MYRIP: variants seen among roughly 807,000 people sequenced by gnomAD.
The protein encoded by MYRIP is rab effector MyRIP.
In MYRIP, 49 loss-of-function variants were observed where a neutral mutation model predicts 98.0. That is an observed-to-expected ratio of 0.50 (90% CI 0.40 to 0.63). MYRIP has a LOEUF of 0.63. Ranked by LOEUF, MYRIP falls within the 30% of genes least tolerant of loss-of-function variation. The pLI is 0.00. For synonymous variants in MYRIP, 404 were observed against 409.5 expected, an observed-to-expected ratio of 0.99 and a Z score of 0.16; for missense variants, 1,004 against 1,058.2, an observed-to-expected ratio of 0.95 and a Z score of 0.71.
At position 39,888,993 on chromosome 3, in the gene MYRIP, C is replaced by A. The variant is rs1180587638; in HGVS notation, c.-30-11794C>A. ...ACCACAATGAGATACCATCTCACAC[C>A]AGTTATAATGGCGATCATTAAAAAG... On this transcript the variant is annotated intron_variant, in intron 1 of 16. Coordinates refer to ENST00000302541, the MANE Select transcript of MYRIP (RefSeq NM_015460.4). Among the ~76,000 whole-genome samples the A allele has an allele frequency of 2.0e-5, 3 of 152,128 alleles. No individual in the cohort carries two copies. In the East Asian group the frequency reaches 5.8e-4, roughly 29 times the overall value.
chr3:39,906,084 T>G (rs1255596758), intron 2 of MYRIP, among the ~76,000 whole-genome samples: 2 of 151,960 alleles, frequency 1.3e-5, no homozygotes, highest in African/African-American at 4.8e-5. Flanking sequence ...TATGAGTCCT[T>G]CTATCATGAT....
chr3:40,128,397 A>G (rs1299726458), intron 3 of MYRIP, among the ~76,000 whole-genome samples: 1 of 152,212 alleles, frequency 6.6e-6, no homozygotes, highest in African/African-American at 2.4e-5. Flanking sequence ...CTCAGTAGCT[A>G]CAGGCTGGGC....
intron 3 of MYRIP, among the ~76,000 whole-genome samples, chr3:40,119,095 A>G (rs1949344649): frequency 6.6e-6 from 1 of 152,064 alleles, no homozygotes; most frequent in African/African-American, 2.4e-5. Flanking sequence ...GTATATACCC[A>G]GTAATGGGAT....
intron 1 of MYRIP, among the ~76,000 whole-genome samples, chr3:39,855,961 G>T (rs1009600920): frequency 2.6e-5 from 4 of 152,174 alleles, no homozygotes; most frequent in African/African-American, 9.7e-5. Flanking sequence ...GTCAGAGATG[G>T]CTTCCTGGGG....
intron 3 of MYRIP, among the ~76,000 whole-genome samples, chr3:40,114,754 G>C (rs1240443049): frequency 1.3e-5 from 2 of 152,210 alleles, no homozygotes; most frequent in Non-Finnish European, 2.9e-5. Context: ...TAACAGGAAG[G>C]GGGAAGCAGT....
intron 2 of MYRIP, among the ~76,000 whole-genome samples, chr3:39,957,037 A>G (rs1312835557): frequency 2.6e-5 from 4 of 151,872 alleles, no homozygotes; most frequent in Admixed American, 6.5e-5. Flanking sequence ...GCAATAATTA[A>G]TAGCCTACCA....
intron 3 of MYRIP, among the ~76,000 whole-genome samples, chr3:40,108,206 AG>A (rs1949088884): frequency 7.3e-6 from 1 of 136,530 alleles, no homozygotes; most frequent in Non-Finnish European, 1.5e-5. Flanking sequence ...AGAGAGAGAG[AG>A]AGAGAGGGTG....
chr3:40,175,611 T>C (rs1052128861), intron 8 of MYRIP, among the ~76,000 whole-genome samples: 6 of 152,228 alleles, frequency 3.9e-5, no homozygotes, highest in Admixed American at 1.3e-4. Context: ...ACCAGCACCA[T>C]AGCAGGGCCA....
intron 3 of MYRIP, among the ~76,000 whole-genome samples, chr3:40,086,214 A>T (rs1263386824): frequency 6.6e-6 from 1 of 152,240 alleles, no homozygotes; most frequent in Non-Finnish European, 1.5e-5. Flanking sequence ...AAAGTTCTGC[A>T]TCTTCCCAGC....
intron 9 of MYRIP, among the ~76,000 whole-genome samples, chr3:40,185,333 T>C (rs1249376357): frequency 6.6e-6 from 1 of 152,176 alleles, no homozygotes. Context: ...TGATTAGGCA[T>C]CTGCTGTATA....
At chr3:40,081,018 A>T (rs545350608) in intron 3 of MYRIP, among the ~76,000 whole-genome samples, 2 of 152,112 alleles carry the variant, frequency 1.3e-5, no homozygotes, top group African/African-American at 2.4e-5. Flanking sequence ...CTAAAAACAC[A>T]TTTTTAAATT....
In MYRIP at chr3:39,917,788, A is replaced by G. The variant is rs1330702795; in HGVS notation, c.110+16862A>G. ...CTAAATATACCTTTCTCATGAAAAG[A>G]TCTTCTTGACCAATCAGATCATTAT... On this transcript the variant is annotated intron_variant, in intron 2 of 16. Transcript: ENST00000302541. Among the ~76,000 whole-genome samples, 8 of 152,182 alleles carry G rather than the reference A, an allele frequency of 5.3e-5. No homozygotes were observed. In the East Asian group the frequency reaches 1.5e-3, roughly 29 times the overall value.
chr3:40,209,814 G>C (rs1951873073), intron 10 of MYRIP, 40 bp from the exon 11 acceptor site: 1 of 1,611,168 alleles, frequency 6.2e-7, no homozygotes, highest in African/African-American at 1.3e-5. Context: ...CATGGCTGTA[G>C]CAGAGGGCTC....
intron 2 of MYRIP, among the ~76,000 whole-genome samples, chr3:39,971,015 T>C (rs1003264026): frequency 2.6e-5 from 4 of 152,070 alleles, no homozygotes; most frequent in African/African-American, 7.2e-5. Context: ...GGAGTAACTA[T>C]CAAAGAGGTG....
intron 3 of MYRIP, chr3:40,071,025 C>T (rs1242162450): frequency 7.6e-6 from 4 of 524,322 alleles, no homozygotes; most frequent in Non-Finnish European, 9.8e-6. Flanking sequence ...GAGTGAGTCA[C>T]ACAAGATGTC....
chr3:40,179,254 A>G (rs1950834141), intron 8 of MYRIP, among the ~76,000 whole-genome samples: 1 of 152,200 alleles, frequency 6.6e-6, no homozygotes, highest in Non-Finnish European at 1.5e-5. Context: ...CCAGTGTCCT[A>G]GGACCTGTTG....
chr3:39,998,669 A>AAG (rs113960478), intron 2 of MYRIP, among the ~76,000 whole-genome samples: 12,738 of 151,924 alleles, frequency 0.084, 821 homozygotes, highest in East Asian at 0.17. Flanking sequence ...ACAGAATTGG[A>AAG]AAAACTACTT....
intron 2 of MYRIP, among the ~76,000 whole-genome samples, chr3:40,040,666 C>A (rs1188349721): frequency 2.8e-4 from 19 of 68,382 alleles, no homozygotes; most frequent in African/African-American, 1.1e-3. Context: ...ATGATGAGTT[C>A]ATATCCTTTG....
intron 3 of MYRIP, among the ~76,000 whole-genome samples, chr3:40,088,067 G>A (rs147048296): frequency 1.6e-4 from 25 of 152,212 alleles, no homozygotes; most frequent in African/African-American, 6.0e-4. Context: ...CAGCCATGAA[G>A]AACAAGACCC....
Sources: gnomAD v4.1 joint callset for allele counts (sites outside exome capture counted in the v4.1 genomes callset) on GRCh38, gnomAD v4.1.1 for gene constraint, MANE v1.5 for transcripts, NCBI Gene and HGNC (gene_info 2026-07-23, HGNC 2026-07-21) for gene names.